WLS: variants seen among roughly 807,000 people sequenced by gnomAD.
WLS encodes protein wntless homolog.
Under a neutral mutation model 62.8 loss-of-function variants are expected in WLS, and 23 were observed. The observed-to-expected ratio is 0.37, with a 90% CI of 0.26 to 0.52. The LOEUF is 0.52. Ranked by LOEUF, WLS falls within the 20% of genes least tolerant of loss-of-function variation. The pLI is 0.92. For missense variants in WLS, 615 were observed against 697.3 expected (o/e 0.88, Z 1.33); for synonymous variants, 246 against 244.1 (o/e 1.01, Z -0.07).
At chr1:68,155,708 T>G (rs1367859531) in intron 3 of WLS, among the ~76,000 whole-genome samples, 2 of 152,142 alleles carry the variant, frequency 1.3e-5, no homozygotes, top group Non-Finnish European at 2.9e-5. Flanking sequence ...ATCATTACAC[T>G]CTTTAATGAC....
chr1:68,178,026 A>G (rs929854573), intron 2 of WLS, among the ~76,000 whole-genome samples: 1 of 152,236 alleles, frequency 6.6e-6, no homozygotes, highest in Non-Finnish European at 1.5e-5. Flanking sequence ...TTCAGCCCAA[A>G]CACTCTGGCT....
rs146094566 is a variant in WLS, at chr1:68,169,292, A to T, written c.380-10045T>A. Among the ~76,000 whole-genome samples, 493 of 152,332 alleles carry T rather than the reference A, an allele frequency of 3.2e-3. 1 individual carries two copies. The highest frequency in any genetic ancestry group is 0.011 in the African/African-American group (475 of 41,584). ...AGTTAGAAAACATCCACTTACCCCT[A>T]TTGTAGCCAAGGCTACTAGTACTTA... On this transcript the variant is annotated intron_variant, in intron 2 of 11. Transcript: ENST00000262348.
chr1:68,156,321 A>C (rs1188509707), intron 3 of WLS, among the ~76,000 whole-genome samples: 1 of 152,096 alleles, frequency 6.6e-6, no homozygotes, highest in African/African-American at 2.4e-5. Context: ...AATTTGCAAG[A>C]CCTCCATAAT....
intron 1 of WLS, among the ~76,000 whole-genome samples, chr1:68,223,889 G>A (rs896215908): frequency 2.6e-4 from 40 of 152,182 alleles, no homozygotes; most frequent in African/African-American, 8.9e-4. Context: ...CAGGACCAAG[G>A]CAGCAGTTAA....
chr1:68,216,502 C>G (rs561912928), intron 1 of WLS, among the ~76,000 whole-genome samples: 2 of 152,354 alleles, frequency 1.3e-5, no homozygotes, highest in African/African-American at 4.8e-5. Context: ...TGGCAAGCCT[C>G]TGGCTCCTCC....
intron 1 of WLS, among the ~76,000 whole-genome samples, chr1:68,229,090 A>G (rs886875181): frequency 1.3e-5 from 2 of 152,088 alleles, no homozygotes; most frequent in African/African-American, 4.8e-5. Flanking sequence ...GAGTTACACA[A>G]TTTTAGAACC....
chr1:68,212,025 T>TACCC (rs1431698892), intron 1 of WLS, among the ~76,000 whole-genome samples: 14 of 152,196 alleles, frequency 9.2e-5, no homozygotes, highest in African/African-American at 3.4e-4. Context: ...ATTAACGAAG[T>TACCC]ACCCTTTGTA....
chr1:68,106,716 C>CTG (rs59601112), intron 11 of WLS, among the ~76,000 whole-genome samples: 8,803 of 146,666 alleles, frequency 0.06, 261 homozygotes, highest in African/African-American at 0.073. Flanking sequence ...GTGTTTGTCA[C>CTG]TGTGTGTGTG....
At chr1:68,127,498 T>C (rs1646451340) in intron 11 of WLS, among the ~76,000 whole-genome samples, 1 of 152,192 alleles carries the variant, frequency 6.6e-6, no homozygotes, top group African/African-American at 2.4e-5. Context: ...TCGAAAACTC[T>C]GCTACCTGCC....
At chr1:68,194,863 C>T (rs1346864) in intron 1 of WLS, among the ~76,000 whole-genome samples, 19,455 of 152,150 alleles carry the variant, frequency 0.13, 1,782 homozygotes, top group African/African-American at 0.26. Flanking sequence ...AAAATATAAA[C>T]GATGCACTTC....
intron 1 of WLS, among the ~76,000 whole-genome samples, chr1:68,199,541 G>C (rs982413941): frequency 2.0e-5 from 3 of 152,130 alleles, no homozygotes; most frequent in Non-Finnish European, 2.9e-5. Flanking sequence ...ATTTTCTGCA[G>C]ATATCTGTGC....
chr1:68,195,220 A>G (rs919837257), intron 1 of WLS, among the ~76,000 whole-genome samples: 2 of 152,206 alleles, frequency 1.3e-5, no homozygotes, highest in East Asian at 1.9e-4. Context: ...GTATTGTGTG[A>G]TAACACCAGC....
chr1:68,186,951 C>T (rs1411341991), intron 2 of WLS, among the ~76,000 whole-genome samples: 1 of 151,976 alleles, frequency 6.6e-6, no homozygotes, highest in Non-Finnish European at 1.5e-5. Context: ...GTAGCTCACG[C>T]CTGTAATCCC....
chr1:68,228,842 CAAAAAAAAA>C lies in WLS; in HGVS notation c.106+3343_106+3351del, dbSNP rs66626696. On this transcript the variant is annotated intron_variant, in intron 1 of 11. Coordinates refer to ENST00000262348, the MANE Select transcript of WLS (RefSeq NM_024911.7). ...AGGTTTAGCTTACAGACACTGGTGC[CAAAAAAAAA>C]AAAAAAAAAAAAAAAAAAAGCAAGC... 1.6e-4 allele frequency among the ~76,000 whole-genome samples: 9 copies of C among 58,032 alleles called. No individual in the cohort carries two copies. The East Asian group carries it at 3.4e-3, about 22-fold the overall frequency. The allele number at this position is 58,032 out of a possible 152,430, so 38.1% of individuals were successfully genotyped here.
intron 11 of WLS, among the ~76,000 whole-genome samples, chr1:68,128,715 A>G (rs1454321467): frequency 6.6e-6 from 1 of 152,246 alleles, no homozygotes; most frequent in Non-Finnish European, 1.5e-5. Context: ...TACCTATGTC[A>G]TAATGCTTAA....
intron 7 of WLS, 37 bp from the exon 8 acceptor site, chr1:68,148,236 T>G (rs1646778405): frequency 6.2e-7 from 1 of 1,606,138 alleles, no homozygotes; most frequent in South Asian, 1.1e-5. Context: ...AAGACACAAT[T>G]AATACAAAGG....
At chr1:68,186,814 T>A (rs917576571) in intron 2 of WLS, among the ~76,000 whole-genome samples, 1 of 151,998 alleles carries the variant, frequency 6.6e-6, no homozygotes, top group Non-Finnish European at 1.5e-5. Flanking sequence ...ATATATATAA[T>A]CTGTATAATC....
chr1:68,137,048 T>G (rs924473259), intron 11 of WLS, among the ~76,000 whole-genome samples: 6 of 152,248 alleles, frequency 3.9e-5, no homozygotes, highest in Admixed American at 1.3e-4. Context: ...CAGTTGTTTA[T>G]CAGGCCACCT....
rs537703677 is a variant in WLS, at chr1:68,231,804, C to T, written c.106+390G>A. ...AATAAAGTCGATTACGTTGCCCTCC[C>T]GGAGCTGATTGGAAGGGAACCGAGA... On this transcript the variant is annotated intron_variant, in intron 1 of 11. Coordinates refer to ENST00000262348, the MANE Select transcript of WLS (RefSeq NM_024911.7). 529 of 485,078 alleles carry T rather than the reference C, an allele frequency of 1.1e-3. 1 individual carries two copies. Among genetic ancestry groups the T allele is most frequent in the Non-Finnish European group, 1.8e-3 (468 of 254,486 alleles). The allele number at this position is 485,078 out of a possible 1,614,324, so 30.0% of individuals were successfully genotyped here.
Sources: allele counts gnomAD v4.1 joint callset (sites outside exome capture counted in the v4.1 genomes callset), GRCh38; gene constraint gnomAD v4.1.1; transcripts MANE v1.5; gene names NCBI Gene and HGNC (gene_info 2026-07-23, HGNC 2026-07-21).